Variants in DOP1A observed in about 807,000 individuals in gnomAD.
The protein encoded by DOP1A is DOP1 leucine zipper like protein A.
Under a neutral mutation model 267.6 loss-of-function variants are expected in DOP1A, and 90 were observed. The ratio of observed to expected loss-of-function variants is 0.34; its 90% CI spans 0.28 to 0.40. The LOEUF is 0.40. Ranked by LOEUF, DOP1A falls within the 10% of genes least tolerant of loss-of-function variation. The pLI is 1.00. For synonymous variants in DOP1A, 932 were observed against 999.1 expected (o/e 0.93, Z 1.27); for missense variants, 2,437 against 2,900.4 (o/e 0.84, Z 3.67).
At chr6:83,099,723 T>TATATACACACACGTATAC (rs1562294158) in intron 3 of DOP1A, among the ~76,000 whole-genome samples, 3 of 151,026 alleles carry the variant, frequency 2.0e-5, no homozygotes, top group African/African-American at 7.4e-5. Context: ...TACATATATA[T>TATATACACACACGTATAC]ATATATATAC....
At chr6:83,110,028 C>A in intron 5 of DOP1A, 97 bp from the exon 6 acceptor site, 1 of 1,267,310 alleles carries the variant, frequency 7.9e-7, no homozygotes, top group Non-Finnish European at 1.1e-6. Flanking sequence ...ATGACTGTAG[C>A]ATGGGTGTTT....
intron 12 of DOP1A, among the ~76,000 whole-genome samples, chr6:83,123,637 G>A (rs1776689996): frequency 6.6e-6 from 1 of 152,042 alleles, no homozygotes; most frequent in African/African-American, 2.4e-5. Flanking sequence ...TCTCTTTAGT[G>A]GTTTAGAAAG....
intron 13 of DOP1A, 106 bp from the exon 14 acceptor site, chr6:83,125,060 G>T: frequency 2.8e-6 from 3 of 1,053,526 alleles, no homozygotes; most frequent in Non-Finnish European, 4.2e-6. Context: ...GTGTATAGTG[G>T]TCTAATGCTG....
chr6:83,153,534 G>A lies in DOP1A; in HGVS notation c.6153G>A (p.Met2051Ile). 1 of 1,603,026 alleles carries A rather than the reference G, an allele frequency of 6.2e-7. No individual in the cohort carries two copies. The highest frequency in any genetic ancestry group is 8.5e-7 in the Non-Finnish European group (1 of 1,175,578). Residue 2051 changes from methionine (M) to isoleucine (I), a missense_variant, in exon 31 of 39, where the codon ATG becomes ATA. By Grantham distance (10) the Met-to-Ile change is conservative. This residue lies in a region of DOP1A where 216 missense variants were observed against 283.3 expected (regional missense o/e 0.76). Coordinates refer to ENST00000349129, the MANE Select transcript of DOP1A (RefSeq NM_015018.4). ...LSEVLAHLLDMVFYSDEKERV... is the reference protein window; with the variant it reads ...LSEVLAHLLDIVFYSDEKERV... ...AGGTTTTGGCTCATCTTTTGGATAT[G>A]GTTTTCTATAGTGATGAAAAGGAGC...
At chr6:83,149,640 G>A (rs1781241290) in intron 27 of DOP1A, among the ~76,000 whole-genome samples, 3 of 152,112 alleles carry the variant, frequency 2.0e-5, no homozygotes, top group Admixed American at 1.3e-4. Context: ...GGTTTTTGAG[G>A]AGAGACATGA....
chr6:83,075,806 G>A (rs1205530743), intron 1 of DOP1A, among the ~76,000 whole-genome samples: 1 of 152,066 alleles, frequency 6.6e-6, no homozygotes, highest in Admixed American at 6.6e-5. Flanking sequence ...AAAAAATGAA[G>A]TTGTATATCT....
Position 83,148,833 on chromosome 6 carries a change from T to A in DOP1A, c.5807T>A (p.Leu1936His), listed in dbSNP as rs766664451. ...ILLKDSIQLS[L>H]PAPGQFLILG... ...CTGAAAGACTCTATACAACTGAGTC[T>A]TCCAGCTCCAGGGCAGTTTCTTATA... is the stretch of plus-strand genomic sequence containing the variant. The change falls in exon 27 of 39, where the codon CTT becomes CAT. Residue 1936 changes from leucine (L) to histidine (H), a missense_variant. By Grantham distance (99) the Leu-to-His change is moderately conservative. Coordinates refer to ENST00000349129, the MANE Select transcript of DOP1A (RefSeq NM_015018.4). 3 of 1,549,770 alleles carry A rather than the reference T, an allele frequency of 1.9e-6. No individual in the cohort carries two copies. Among genetic ancestry groups the A allele is most frequent in the Middle Eastern group, 3.4e-4 (2 of 5,900 alleles).
intron 18 of DOP1A, 85 bp from the exon 19 acceptor site, chr6:83,134,101 AC>A: frequency 9.6e-7 from 1 of 1,039,304 alleles, no homozygotes; most frequent in Non-Finnish European, 1.4e-6. Context: ...GTAATACAGT[AC>A]TCCTAAATAG....
At chr6:83,081,897 G>A (rs1319389370) in intron 1 of DOP1A, among the ~76,000 whole-genome samples, 2 of 152,086 alleles carry the variant, frequency 1.3e-5, no homozygotes, top group Non-Finnish European at 2.9e-5. Context: ...CCTAAAGGAA[G>A]ACATAAATGG....
chr6:83,152,571 T>C (rs942593388), intron 30 of DOP1A, among the ~76,000 whole-genome samples: 1 of 151,970 alleles, frequency 6.6e-6, no homozygotes, highest in Non-Finnish European at 1.5e-5. Context: ...ATTTAGATAC[T>C]GCTTCCCTTC....
chr6:83,094,698 A>G (rs536504185), intron 1 of DOP1A, among the ~76,000 whole-genome samples: 1 of 152,336 alleles, frequency 6.6e-6, no homozygotes, highest in African/African-American at 2.4e-5. Context: ...AGAAATGTCC[A>G]TTCACATCTG....
At chr6:83,153,082 GAAC>G (rs2128341919) in intron 30 of DOP1A, among the ~76,000 whole-genome samples, 1 of 152,230 alleles carries the variant, frequency 6.6e-6, no homozygotes, top group East Asian at 1.9e-4. Context: ...ACAAAGATCA[GAAC>G]AATAGGACTA....
At chr6:83,136,026 G>A (rs1276259981) in intron 20 of DOP1A, 148 bp downstream of exon 20, 17 of 956,306 alleles carry the variant, frequency 1.8e-5, no homozygotes, top group Non-Finnish European at 2.1e-5. Context: ...GCAATGCTGT[G>A]TGGACCATGT....
intron 24 of DOP1A, among the ~76,000 whole-genome samples, chr6:83,143,264 T>C (rs1779936315): frequency 6.6e-6 from 1 of 152,124 alleles, no homozygotes; most frequent in Non-Finnish European, 1.5e-5. Context: ...TAGTGAAGTG[T>C]GGTGGCATTT....
At chr6:83,142,791 C>G (rs1162896241) in intron 24 of DOP1A, among the ~76,000 whole-genome samples, 2 of 151,908 alleles carry the variant, frequency 1.3e-5, no homozygotes, top group Non-Finnish European at 2.9e-5. Flanking sequence ...TGAGGTCTCA[C>G]TTTGCTGTTG....
intron 15 of DOP1A, 114 bp from the exon 16 acceptor site, chr6:83,128,773 G>A: frequency 1.6e-6 from 2 of 1,248,400 alleles, no homozygotes; most frequent in African/African-American, 1.5e-5. Flanking sequence ...AGAGTCAACA[G>A]AATGGGCAGA....
At position 83,096,800 on chromosome 6, in the gene DOP1A, G is replaced by T; in HGVS notation, c.-77G>T. 1 of 590,258 alleles carries T rather than the reference G, an allele frequency of 1.7e-6. No individual in the cohort carries two copies. The highest frequency in any genetic ancestry group is 2.8e-6 in the Non-Finnish European group (1 of 353,296). The allele number at this position is 590,258 out of a possible 1,614,324, so 36.6% of individuals were successfully genotyped here. The stretch of plus-strand genomic sequence containing the variant: ...TTCCATGACCCTGAACACTAGCTGA[G>T]GAGAGTTTCAACCACTGCTAACAGT... On this transcript the variant is annotated 5_prime_UTR_variant, in exon 2 of 39. It adds an upstream start codon to the 5' untranslated region. Coordinates refer to ENST00000349129, the MANE Select transcript of DOP1A (RefSeq NM_015018.4).
chr6:83,123,977 A>G (rs1383183786), intron 12 of DOP1A, among the ~76,000 whole-genome samples: 1 of 151,776 alleles, frequency 6.6e-6, no homozygotes, highest in Non-Finnish European at 1.5e-5. Flanking sequence ...CTTCTGAAAT[A>G]CTCTTTCCCC....
In DOP1A at chr6:83,132,303, G is replaced by A; in HGVS notation, c.2744G>A (p.Ser915Asn). The A allele has an allele frequency of 6.2e-7, 1 of 1,611,770 alleles. No homozygotes were observed. Among genetic ancestry groups the A allele is most frequent in the South Asian group, 1.1e-5 (1 of 90,940 alleles). Reference sequence around the variant, plus strand: ...TCTAGCATCTGTGAGGATGTTATAAGTCAGCAGTTAACCCATAAAGATAAG... The same window carrying A: ...TCTAGCATCTGTGAGGATGTTATAAATCAGCAGTTAACCCATAAAGATAAG... ...PSSSICEDVI[S>N]QQLTHKDKKI... The change falls in exon 18 of 39, where the codon AGT becomes AAT. Residue 915 changes from serine (S) to asparagine (N), a missense_variant. Physicochemically the swap from Ser to Asn is conservative, Grantham distance 46. Around this residue, in one of 9 missense-constraint regions of DOP1A, gnomAD observed 878 missense variants for 992.9 expected, o/e 0.88. Coordinates refer to ENST00000349129, the MANE Select transcript of DOP1A (RefSeq NM_015018.4).
Sources: allele counts gnomAD v4.1 joint callset (sites outside exome capture counted in the v4.1 genomes callset), GRCh38; gene constraint gnomAD v4.1.1; regional missense constraint gnomAD v4.1.1; transcripts MANE v1.5; gene names NCBI Gene and HGNC (gene_info 2026-07-23, HGNC 2026-07-21).